Variants in DYNC2H1 observed in about 807,000 individuals in gnomAD.
The protein encoded by DYNC2H1 is cytoplasmic dynein 2 heavy chain 1.
A neutral mutation model predicts 570.0 loss-of-function variants in DYNC2H1; 410 were observed. The ratio of observed to expected loss-of-function variants is 0.72; its 90% CI spans 0.66 to 0.78. The LOEUF (loss-of-function observed/expected upper bound fraction) is 0.78, where lower values mean the gene tolerates loss of function less well. Among genes scored for constraint, DYNC2H1 ranks in the 30% least tolerant of loss-of-function variants. The pLI, the probability that DYNC2H1 is intolerant of heterozygous loss-of-function variation, is 0.00. For missense variants in DYNC2H1, 4,865 were observed against 5,046.4 expected (o/e 0.96, Z 1.09); for synonymous variants, 1,688 against 1,677.6 (o/e 1.01, Z -0.15).
intron 78 of DYNC2H1, among the ~76,000 whole-genome samples, chr11:103,309,351 CTTTTCTTTTTTT>C (rs1252276130): frequency 7.1e-6 from 1 of 141,286 alleles, no homozygotes; most frequent in Non-Finnish European, 1.5e-5. Context: ...TTTTTTATTT[CTTTTCTTTTTTT>C]TTTTCTTTTT....
In DYNC2H1 at chr11:103,472,445, T is replaced by C. The variant is rs529572041; in HGVS notation, c.12765+3740T>C. 6.6e-6 allele frequency among the ~76,000 whole-genome samples: 1 copy of C among 152,180 alleles called. No homozygotes were observed. Among genetic ancestry groups the C allele is most frequent in the African/African-American group, 2.4e-5 (1 of 41,534 alleles). ...AGATCAGATTTGTAGTTTTAGAAAA[T>C]CGGTCTAGCAGTGAGTGGTTGGATA... On this transcript the variant is annotated intron_variant, in intron 88 of 88. Transcript: ENST00000375735. The surrounding 1 kb of genome is among the most constrained non-coding windows in gnomAD (Gnocchi z 4.1).
intron 83 of DYNC2H1, among the ~76,000 whole-genome samples, chr11:103,365,735 C>A (rs1312616043): frequency 6.6e-6 from 1 of 152,168 alleles, no homozygotes; most frequent in Admixed American, 6.5e-5. Context: ...AAGGTTTGAA[C>A]ATGCAAAGAA....
chr11:103,416,068 C>T (rs1301661063), intron 84 of DYNC2H1, among the ~76,000 whole-genome samples: 6 of 152,158 alleles, frequency 3.9e-5, no homozygotes, highest in African/African-American at 1.4e-4. Context: ...CCAAACACCA[C>T]ATGTTCTCAC....
At chr11:103,423,704 C>T (rs1289059376) in intron 84 of DYNC2H1, among the ~76,000 whole-genome samples, 3 of 151,648 alleles carry the variant, frequency 2.0e-5, no homozygotes, top group Non-Finnish European at 2.9e-5. Flanking sequence ...AACAAAGGAA[C>T]CTACAGCTAG....
rs1436800653 is a variant in DYNC2H1, at chr11:103,325,479, C to A, written c.12039+1489C>A. ...TATTGAATAGGAAGTTCTTTCCCCA[C>A]TGCTTGTTTTATGGACCTTGTCAAA... On this transcript the variant is annotated intron_variant, in intron 82 of 88. Transcript: ENST00000375735. This position sits in a 1 kb window ranked among gnomAD's most constrained non-coding sequence, Gnocchi z 4.8. Among the ~76,000 whole-genome samples, 1 of 152,194 alleles carries A rather than the reference C, an allele frequency of 6.6e-6. No homozygotes were observed. The highest frequency in any genetic ancestry group is 1.5e-5 in the Non-Finnish European group (1 of 68,026).
chr11:103,198,047 A>G lies in DYNC2H1; in HGVS notation c.7823A>G (p.Lys2608Arg). ...GGAAAACTAAACTCTACTGATCTCA[A>G]GGATGTTATTAAAAAGGTATAATAT... The part of the protein sequence containing the change: ...PLGKLNSTDL[K>R]DVIKKGLIHY... The change falls in exon 48 of 89, where the codon AAG becomes AGG. Residue 2608 changes from lysine (K) to arginine (R), a missense_variant. Physicochemically the swap from Lys to Arg is conservative, Grantham distance 26. This residue lies in a region of DYNC2H1 where 2,401 missense variants were observed against 2,454.6 expected (regional missense o/e 0.98). Transcript: ENST00000375735. 1 of 1,552,232 alleles carries G rather than the reference A, an allele frequency of 6.4e-7. No homozygotes were observed. The highest frequency in any genetic ancestry group is 8.7e-7 in the Non-Finnish European group (1 of 1,147,058).
At position 103,113,664 on chromosome 11, in the gene DYNC2H1, T is replaced by C; in HGVS notation, c.323T>C (p.Leu108Pro). The stretch of plus-strand genomic sequence containing the variant: ...ATGTTAGAGTCACCTATTAGTTCTC[T>C]TTACCAAGCAGTACGGCAAGTATTC... ...SSMLESPISSLYQAVRQVFAP... is the reference protein window; with the variant it reads ...SSMLESPISSPYQAVRQVFAP... The change falls in exon 2 of 89, where the codon CTT (leucine) becomes CCT (proline). Residue 108 changes from leucine to proline, a missense_variant. Physicochemically the swap from Leu to Pro is moderately conservative, Grantham distance 98 (BLOSUM62 -3). This residue lies in a region of DYNC2H1 where 1,936 missense variants were observed against 1,962.1 expected (regional missense o/e 0.99). Transcript: ENST00000375735. 1 of 1,569,962 alleles carries C rather than the reference T, an allele frequency of 6.4e-7. No individual in the cohort carries two copies. The highest frequency in any genetic ancestry group is 8.6e-7 in the Non-Finnish European group (1 of 1,165,166).
In DYNC2H1 at chr11:103,199,444, G is replaced by C; in HGVS notation, c.8056G>C (p.Glu2686Gln). ...LFSPKISRGY[E>Q]LKQFKNDLKH... is the part of the protein sequence containing the mutation. ...TTCTCCAAAGATTTCCAGAGGATAT[G>C]AACTGAAGCAGTTCAAAAATGATCT... The change falls in exon 49 of 89, where the codon GAA becomes CAA. Residue 2686 changes from glutamate (E) to glutamine (Q), a missense_variant. By Grantham distance (29) the Glu-to-Gln change is conservative. This residue lies in a region of DYNC2H1 where 2,401 missense variants were observed against 2,454.6 expected (regional missense o/e 0.98). Coordinates refer to ENST00000375735, the MANE Select transcript of DYNC2H1 (RefSeq NM_001377.3). The surrounding 1 kb of genome is among the most constrained non-coding windows in gnomAD (Gnocchi z 4.6). 1 of 1,596,338 alleles carries C rather than the reference G, an allele frequency of 6.3e-7. No homozygotes were observed. The highest frequency in any genetic ancestry group is 8.5e-7 in the Non-Finnish European group (1 of 1,170,508).
intron 73 of DYNC2H1, among the ~76,000 whole-genome samples, chr11:103,284,800 A>G (rs1370209477): frequency 6.6e-6 from 1 of 152,232 alleles, no homozygotes; most frequent in Non-Finnish European, 1.5e-5. Flanking sequence ...GAAGTTCTAT[A>G]CTGAAGATAT....
Position 103,151,812 on chromosome 11 carries a change from T to G in DYNC2H1, c.2947-324T>G, listed in dbSNP as rs1288630600. Among the ~76,000 whole-genome samples the G allele has an allele frequency of 6.6e-6, 1 of 152,180 alleles. No homozygotes were observed. The highest frequency in any genetic ancestry group is 2.4e-5 in the African/African-American group (1 of 41,466). ...CATTTTCTTGTGAATGGACCATTTA[T>G]AATAAGAACTTTACTTTGATAAACT... On this transcript the variant is annotated intron_variant, in intron 20 of 88. Coordinates refer to ENST00000375735, the MANE Select transcript of DYNC2H1 (RefSeq NM_001377.3). The surrounding 1 kb of genome is among the most constrained non-coding windows in gnomAD (Gnocchi z 4.6).
chr11:103,133,554 G>A lies in DYNC2H1; in HGVS notation c.1954-1G>A. 6.2e-7 allele frequency: 1 copy of A among 1,604,236 alleles called. No homozygotes were observed. On this transcript the variant is annotated splice_acceptor_variant, in intron 13 of 88. Coordinates refer to ENST00000375735, the MANE Select transcript of DYNC2H1 (RefSeq NM_001377.3). LOFTEE classifies it high-confidence loss of function. The surrounding 1 kb of genome is among the most constrained non-coding windows in gnomAD (Gnocchi z 4.8). ...ACTAAAGGTTATTTATTGTACCATAGAATTCAAAAGCAGGAAGTGGAGGGA... is the reference window on the plus strand; with the variant it reads ...ACTAAAGGTTATTTATTGTACCATAAAATTCAAAAGCAGGAAGTGGAGGGA...
At position 103,133,345 on chromosome 11, in the gene DYNC2H1, G is replaced by A. The variant is rs539239879; in HGVS notation, c.1954-210G>A. ...ATGCTTGTTTGTTGTGTTATGTCTA[G>A]GGCTTTTTAGTTGTAAAAGGGAGAA... On this transcript the variant is annotated intron_variant, in intron 13 of 88. Transcript: ENST00000375735. The surrounding 1 kb of genome is among the most constrained non-coding windows in gnomAD (Gnocchi z 4.8). Among the ~76,000 whole-genome samples, 17 of 152,168 alleles carry A rather than the reference G, an allele frequency of 1.1e-4. No homozygotes were observed. In the South Asian group the frequency reaches 2.3e-3, roughly 21 times the overall value.
intron 85 of DYNC2H1, among the ~76,000 whole-genome samples, chr11:103,443,165 A>G (rs1193563791): frequency 6.6e-6 from 1 of 152,050 alleles, no homozygotes; most frequent in Non-Finnish European, 1.5e-5. Flanking sequence ...TTCTGAAGAT[A>G]CAATGGAAGG....
chr11:103,236,158 A>G (rs529184128), intron 62 of DYNC2H1, among the ~76,000 whole-genome samples: 26 of 151,988 alleles, frequency 1.7e-4, no homozygotes, highest in Non-Finnish European at 3.2e-4. Context: ...GAACTTTAAA[A>G]TTCTTTGTGA....
At chr11:103,215,019 G>A (rs1029023208) in intron 54 of DYNC2H1, among the ~76,000 whole-genome samples, 2 of 151,972 alleles carry the variant, frequency 1.3e-5, no homozygotes, top group Admixed American at 6.6e-5. Flanking sequence ...CAGCTTTACC[G>A]AATTTGCTTA....
At chr11:103,430,094 G>A (rs1366472424) in intron 84 of DYNC2H1, among the ~76,000 whole-genome samples, 4 of 152,118 alleles carry the variant, frequency 2.6e-5, no homozygotes, top group Non-Finnish European at 5.9e-5. Flanking sequence ...TTACCAGTGG[G>A]ATAGTGATAT....
intron 83 of DYNC2H1, among the ~76,000 whole-genome samples, chr11:103,388,194 A>G (rs1177494690): frequency 1.3e-5 from 2 of 148,694 alleles, no homozygotes; most frequent in East Asian, 3.9e-4. Flanking sequence ...AGTGGTTTGT[A>G]GTTCTCCTTG....
At chr11:103,396,724 C>A (rs1942413358) in intron 83 of DYNC2H1, among the ~76,000 whole-genome samples, 1 of 152,164 alleles carries the variant, frequency 6.6e-6, no homozygotes, top group Admixed American at 6.5e-5. Context: ...AATGAGTTTT[C>A]TTGCTTAATA....
chr11:103,116,558 A>AT lies in DYNC2H1; in HGVS notation c.622-5dup, dbSNP rs762649962. ...TATAATTATGTTTAAAAATTAATGC[A>AT]TTTTTTTCTAGGAGTTTTATAACTT... On this transcript the variant is annotated splice_polypyrimidine_tract_variant and intron_variant, in intron 4 of 88. Coordinates refer to ENST00000375735, the MANE Select transcript of DYNC2H1 (RefSeq NM_001377.3). 4 of 1,566,142 alleles carry AT rather than the reference A, an allele frequency of 2.6e-6. No individual in the cohort carries two copies. The highest frequency in any genetic ancestry group is 1.8e-5 in the Admixed American group (1 of 54,282).
Sources: gnomAD v4.1 joint callset for allele counts (sites outside exome capture counted in the v4.1 genomes callset) on GRCh38, gnomAD v4.1.1 for gene constraint, gnomAD v4.1.1 regional missense constraint, Gnocchi (gnomAD v3.1) non-coding constraint, MANE v1.5 for transcripts, NCBI Gene and HGNC (gene_info 2026-07-23, HGNC 2026-07-21) for gene names.